The following HNF4G variants were observed in gnomAD, a reference collection of about 807,000 sequenced individuals.
HNF4G encodes the protein hepatocyte nuclear factor 4 gamma.
In HNF4G, 21 loss-of-function variants were observed where a neutral mutation model predicts 50.9. The ratio of observed to expected loss-of-function variants is 0.41; its 90% CI spans 0.29 to 0.59. HNF4G has a LOEUF of 0.59. Ranked by LOEUF, HNF4G falls within the 20% of genes least tolerant of loss-of-function variation. HNF4G has a pLI of 0.26. For synonymous variants in HNF4G, 198 were observed against 185.6 expected (o/e 1.07, Z -0.54); for missense variants, 527 against 559.4 (o/e 0.94, Z 0.58).
chr8:75,547,989 A>ATTTT (rs34854066), intron 3 of HNF4G, among the ~76,000 whole-genome samples: 2 of 140,212 alleles, frequency 1.4e-5, no homozygotes, highest in Non-Finnish European at 3.1e-5. Flanking sequence ...GAAATTACAG[A>ATTTT]TTTTTTTTTT....
Position 75,551,432 on chromosome 8 carries a change from T to C in HNF4G, c.427T>C (p.Phe143Leu). ...RDRISTRRST[F>L]DGSNIPSINT... ...CAGAATAAGCACCAGAAGAAGCACATTTGATGGCAGCAACATCCCCTCCAT... is the reference window on the plus strand; with the variant it reads ...CAGAATAAGCACCAGAAGAAGCACACTTGATGGCAGCAACATCCCCTCCAT... The change falls in exon 4 of 10, where the codon TTT becomes CTT. Residue 143 changes from phenylalanine to leucine, a missense_variant. Coordinates refer to ENST00000396423, the MANE Select transcript of HNF4G (RefSeq NM_004133.5). 6.2e-7 allele frequency: 1 copy of C among 1,613,542 alleles called. No individual in the cohort carries two copies.
intron 1 of HNF4G, among the ~76,000 whole-genome samples, chr8:75,411,417 G>A (rs538810197): frequency 6.6e-6 from 1 of 152,314 alleles, no homozygotes; most frequent in South Asian, 2.1e-4. Flanking sequence ...GTTTCCATAT[G>A]TATCTTTGTA....
chr8:75,467,934 G>A (rs1343457659), intron 1 of HNF4G, among the ~76,000 whole-genome samples: 1 of 151,842 alleles, frequency 6.6e-6, no homozygotes, highest in Non-Finnish European at 1.5e-5. Context: ...TCACATTCAC[G>A]TTACATTTTA....
intron 1 of HNF4G, among the ~76,000 whole-genome samples, chr8:75,426,842 G>C (rs761388523): frequency 6.6e-6 from 1 of 152,124 alleles, no homozygotes; most frequent in African/African-American, 2.4e-5. Context: ...TGTTTAGTTC[G>C]TACTTGGGAG....
At chr8:75,490,775 T>G (rs75497273) in intron 2 of HNF4G, among the ~76,000 whole-genome samples, 7,491 of 152,290 alleles carry the variant, frequency 0.049, 207 homozygotes, top group African/African-American at 0.06. Flanking sequence ...AAAACAATAT[T>G]TTTTGTCCAG....
intron 2 of HNF4G, among the ~76,000 whole-genome samples, chr8:75,515,692 C>T (rs1191347208): frequency 6.6e-6 from 1 of 151,910 alleles, no homozygotes; most frequent in Non-Finnish European, 1.5e-5. Context: ...ATAAATTCAC[C>T]TTTTCTCTGA....
chr8:75,544,027 T>C, intron 2 of HNF4G, 48 bp downstream of exon 2: 1 of 1,481,742 alleles, frequency 6.7e-7, no homozygotes. Context: ...GATGTTTCAG[T>C]TTGGCACGCA....
intron 2 of HNF4G, among the ~76,000 whole-genome samples, chr8:75,509,622 A>C (rs556933687): frequency 6.6e-6 from 1 of 152,220 alleles, no homozygotes; most frequent in Admixed American, 6.5e-5. Context: ...TGTTCTGGAC[A>C]ACAAAACACA....
intron 1 of HNF4G, among the ~76,000 whole-genome samples, chr8:75,459,665 A>T (rs1223960728): frequency 1.3e-5 from 2 of 152,170 alleles, no homozygotes; most frequent in Non-Finnish European, 2.9e-5. Context: ...ATCTGTATAC[A>T]TCTTCATTCT....
intron 1 of HNF4G, among the ~76,000 whole-genome samples, chr8:75,433,412 CAAA>C (rs1186388765): frequency 6.3e-5 from 4 of 63,006 alleles, no homozygotes; most frequent in Non-Finnish European, 6.3e-5. Context: ...TGTCTCAGAA[CAAA>C]AAAAAAAAAA....
chr8:75,450,978 G>A (rs1811570766), intron 1 of HNF4G, among the ~76,000 whole-genome samples: 2 of 152,138 alleles, frequency 1.3e-5, no homozygotes, highest in South Asian at 4.1e-4. Context: ...CCAGCATCTT[G>A]ATATTAGACT....
chr8:75,437,988 T>A (rs1374964194), intron 1 of HNF4G, among the ~76,000 whole-genome samples: 1 of 152,192 alleles, frequency 6.6e-6, no homozygotes, highest in Non-Finnish European at 1.5e-5. Context: ...TTTATGACTG[T>A]AGGAGCACTT....
intron 1 of HNF4G, among the ~76,000 whole-genome samples, chr8:75,489,330 C>T (rs182927951): frequency 3.5e-4 from 54 of 152,286 alleles, no homozygotes; most frequent in Admixed American, 3.4e-3. Context: ...CAATATCTCA[C>T]AAATTATTTA....
chr8:75,411,555 C>T (rs1285471619), intron 1 of HNF4G, among the ~76,000 whole-genome samples: 1 of 152,164 alleles, frequency 6.6e-6, no homozygotes, highest in African/African-American at 2.4e-5. Flanking sequence ...ATAGAATTAG[C>T]TGATAACATC....
intron 2 of HNF4G, among the ~76,000 whole-genome samples, chr8:75,509,492 T>C (rs1805693193): frequency 1.3e-5 from 2 of 152,190 alleles, no homozygotes; most frequent in Non-Finnish European, 2.9e-5. Flanking sequence ...ACACATGTAT[T>C]TTAATAAGCA....
At chr8:75,560,210 T>C in intron 8 of HNF4G, 134 bp from the exon 9 acceptor site, 1 of 785,734 alleles carries the variant, frequency 1.3e-6, no homozygotes, top group South Asian at 1.6e-5. Context: ...GTTCTGTCAA[T>C]TTATTTTTGA....
intron 1 of HNF4G, among the ~76,000 whole-genome samples, chr8:75,429,963 A>G (rs553323198): frequency 1.2e-4 from 18 of 152,198 alleles, no homozygotes; most frequent in African/African-American, 4.1e-4. Context: ...CATCCTGGCT[A>G]ACACAGTGAA....
chr8:75,435,641 TG>T (rs746962486), intron 1 of HNF4G, among the ~76,000 whole-genome samples: 27 of 152,236 alleles, frequency 1.8e-4, no homozygotes, highest in Non-Finnish European at 3.7e-4. Context: ...TCACCCAGGC[TG>T]GAGTGCAGTG....
chr8:75,526,410 A>G (rs1052276297), intron 2 of HNF4G, among the ~76,000 whole-genome samples: 2 of 152,174 alleles, frequency 1.3e-5, no homozygotes, highest in Non-Finnish European at 2.9e-5. Context: ...AGTGGTGGAA[A>G]TGTTTGAGTA....
Sources: allele counts gnomAD v4.1 joint callset (sites outside exome capture counted in the v4.1 genomes callset), GRCh38; gene constraint gnomAD v4.1.1; transcripts MANE v1.5; gene names NCBI Gene and HGNC (gene_info 2026-07-23, HGNC 2026-07-21).